The following SCN10A variants were observed in gnomAD, a reference collection of about 807,000 sequenced individuals.
SCN10A encodes the protein sodium voltage-gated channel alpha subunit 10, also known as sodium channel protein type 10 subunit alpha.
In SCN10A, 162 loss-of-function variants were observed where a neutral mutation model predicts 170.7. The observed-to-expected ratio is 0.95, with a 90% CI of 0.84 to 1.08. The LOEUF (loss-of-function observed/expected upper bound fraction) is 1.08, where lower values mean the gene tolerates loss of function less well. Among genes scored for constraint, SCN10A ranks in the 50% least tolerant of loss-of-function variants. The pLI, the probability that SCN10A is intolerant of heterozygous loss-of-function variation, is 0.00. For missense variants in SCN10A, 2,527 were observed against 2,436.9 expected (o/e 1.04, Z -0.78); for synonymous variants, 985 against 904.6 (o/e 1.09, Z -1.59).
At chr3:38,795,341 CTTTTTCT>C (rs1260143320) in intron 1 of SCN10A, among the ~76,000 whole-genome samples, 26 of 127,872 alleles carry the variant, frequency 2.0e-4, no homozygotes, top group African/African-American at 6.0e-4. Context: ...TTTTCTTTTT[CTTTTTCT>C]TTTTTTTTTT....
chr3:38,790,624 G>A (rs191639316), intron 3 of SCN10A, among the ~76,000 whole-genome samples: 8 of 151,750 alleles, frequency 5.3e-5, no homozygotes, highest in African/African-American at 9.7e-5. Context: ...AAGCAGAGAC[G>A]ACACATTGAG....
intron 27 of SCN10A, 80 bp downstream of exon 27, chr3:38,701,759 T>C: frequency 1.4e-6 from 2 of 1,397,546 alleles, no homozygotes. Flanking sequence ...GTTGGTTGGT[T>C]ATTTCCTTGG....
At chr3:38,765,668 G>T (rs534182984) in intron 5 of SCN10A, among the ~76,000 whole-genome samples, 21 of 152,180 alleles carry the variant, frequency 1.4e-4, no homozygotes, top group African/African-American at 4.6e-4. Context: ...CTCCAGATTT[G>T]TTATTCTTGC....
Position 38,792,077 on chromosome 3 carries a change from C to T in SCN10A, c.362G>A (p.Arg121Lys). 1 of 1,613,742 alleles carries T rather than the reference C, an allele frequency of 6.2e-7. No homozygotes were observed. Among genetic ancestry groups the T allele is most frequent in the Non-Finnish European group, 8.5e-7 (1 of 1,179,800 alleles). ...WLFSPFNLIR[R>K]TAIKVSVHSW... ...GTGGACAGACACTTTGATGGCCGTTCTTCTGATCAGGTTGAAAGGACTGAA... is the reference window on the plus strand; with the variant it reads ...GTGGACAGACACTTTGATGGCCGTTTTTCTGATCAGGTTGAAAGGACTGAA... The change falls in exon 3 of 28, where the codon AGA becomes AAA. Residue 121 changes from arginine (R) to lysine (K), a missense_variant. By Grantham distance (26) the Arg-to-Lys change is conservative. Coordinates refer to ENST00000449082, the MANE Select transcript of SCN10A (RefSeq NM_006514.4).
chr3:38,771,258 T>G (rs748254868), intron 5 of SCN10A, 21 bp downstream of exon 5: 2 of 1,612,780 alleles, frequency 1.2e-6, no homozygotes, highest in South Asian at 2.2e-5. Flanking sequence ...CACATGCAGA[T>G]CTGCATAGAG....
Position 38,707,391 on chromosome 3 carries a change from G to C in SCN10A, c.4282-8C>G. On this transcript the variant is annotated splice_polypyrimidine_tract_variant and splice_region_variant and intron_variant, in intron 25 of 27. Transcript: ENST00000449082. ...GATGTCCTGGCCCCCTAAGTGCAGA[G>C]AGGGCCACACTGTTACTAAAGCAAG... is the stretch of plus-strand genomic sequence containing the variant. The C allele has an allele frequency of 1.9e-6, 3 of 1,613,980 alleles. No individual in the cohort carries two copies. The highest frequency in any genetic ancestry group is 2.2e-5 in the South Asian group (2 of 91,072).
chr3:38,763,471 A>C, intron 6 of SCN10A, 34 bp downstream of exon 6: 91 of 1,542,400 alleles, frequency 5.9e-5, no homozygotes, highest in Non-Finnish European at 7.4e-5. Context: ...TTAGGCTGTG[A>C]AAACCAACAT....
Position 38,701,858 on chromosome 3 carries a change from C to A in SCN10A, c.4638G>T (p.Val1546=). The A allele has an allele frequency of 1.2e-6, 2 of 1,610,744 alleles. No individual in the cohort carries two copies. Among genetic ancestry groups the A allele is most frequent in the East Asian group, 2.2e-5 (1 of 44,718 alleles). The change falls in exon 27 of 28, where the codon GTG becomes GTT. Residue 1546 remains valine (V), a synonymous_variant. Transcript: ENST00000449082. ...TNGWNVFDFI[V]VVLSIASLIF... The stretch of plus-strand genomic sequence containing the variant: ...ACTTACTCGCAATGGAGAGAACCAC[C>A]ACAATGAAGTCAAACACATTCCAGC...
At chr3:38,740,997 G>A (rs1204229980) in intron 14 of SCN10A, among the ~76,000 whole-genome samples, 1 of 152,120 alleles carries the variant, frequency 6.6e-6, no homozygotes, top group East Asian at 1.9e-4. Context: ...CCTCAGCCTA[G>A]GTGCTGCCAA....
chr3:38,802,233 A>C (rs1275251969), intron 1 of SCN10A, among the ~76,000 whole-genome samples: 1 of 152,158 alleles, frequency 6.6e-6, no homozygotes, highest in Admixed American at 6.6e-5. Context: ...TAATCTGGCC[A>C]GCTTCCCAGA....
At chr3:38,761,609 G>A (rs910283020) in intron 6 of SCN10A, among the ~76,000 whole-genome samples, 2 of 152,082 alleles carry the variant, frequency 1.3e-5, no homozygotes, top group African/African-American at 4.8e-5. Flanking sequence ...TGAGACCCAG[G>A]CAATGCATTT....
At chr3:38,746,100 T>TATATATATATG (rs71085336) in intron 13 of SCN10A, among the ~76,000 whole-genome samples, 1 of 99,820 alleles carries the variant, frequency 1.0e-5, no homozygotes, top group Non-Finnish European at 2.0e-5. Flanking sequence ...TATATATATA[T>TATATATATATG]GCCATCTTTG....
intron 5 of SCN10A, among the ~76,000 whole-genome samples, chr3:38,765,815 G>A (rs2063926144): frequency 6.6e-6 from 1 of 152,072 alleles, no homozygotes; most frequent in Non-Finnish European, 1.5e-5. Context: ...TGGCAGTAAG[G>A]TCATTTTCAC....
chr3:38,747,775 C>T (rs1194643952), intron 13 of SCN10A, among the ~76,000 whole-genome samples: 9 of 152,178 alleles, frequency 5.9e-5, no homozygotes, highest in Non-Finnish European at 1.0e-4. Flanking sequence ...ATTGTACTTG[C>T]TATTTGTGTC....
chr3:38,764,836 T>G (rs1161952160), intron 5 of SCN10A, among the ~76,000 whole-genome samples: 1 of 152,238 alleles, frequency 6.6e-6, no homozygotes, highest in Non-Finnish European at 1.5e-5. Flanking sequence ...CCACCAGCAG[T>G]GTAAAATTGT....
At chr3:38,766,331 T>C (rs936321866) in intron 5 of SCN10A, among the ~76,000 whole-genome samples, 1 of 152,200 alleles carries the variant, frequency 6.6e-6, no homozygotes, top group Non-Finnish European at 1.5e-5. Context: ...GGGGGAATGC[T>C]TTCAACTTTT....
chr3:38,715,249 C>A (rs1333124828), intron 21 of SCN10A, among the ~76,000 whole-genome samples: 5 of 152,282 alleles, frequency 3.3e-5, no homozygotes, highest in Middle Eastern at 3.4e-3. Flanking sequence ...TAATCTGCAG[C>A]TGGGGCAGAC....
chr3:38,707,445 A>T, intron 25 of SCN10A, 62 bp from the exon 26 acceptor site: 7 of 1,538,726 alleles, frequency 4.5e-6, no homozygotes, highest in Non-Finnish European at 6.3e-6. Context: ...CCAAAATCAG[A>T]ACAGGCAGGA....
At chr3:38,807,997 A>G (rs2064416269) in intron 1 of SCN10A, among the ~76,000 whole-genome samples, 2 of 152,108 alleles carry the variant, frequency 1.3e-5, no homozygotes, top group Non-Finnish European at 2.9e-5. Flanking sequence ...AAATCTGATC[A>G]TATCACTTCT....
Sources: allele counts gnomAD v4.1 joint callset (sites outside exome capture counted in the v4.1 genomes callset), GRCh38; gene constraint gnomAD v4.1.1; transcripts MANE v1.5; gene names NCBI Gene and HGNC (gene_info 2026-07-23, HGNC 2026-07-21).